Variants in RAPGEF5 observed in about 807,000 individuals in gnomAD.
The protein encoded by RAPGEF5 is Rap guanine nucleotide exchange factor 5, also known as M-Ras-regulated GEF.
In RAPGEF5, 65 loss-of-function variants were observed where a neutral mutation model predicts 125.2. The observed-to-expected ratio is 0.52, with a 90% confidence interval of 0.43 to 0.64. The LOEUF is 0.64. Ranked by LOEUF, RAPGEF5 falls within the 30% of genes least tolerant of loss-of-function variation. The pLI, the probability that RAPGEF5 is intolerant of heterozygous loss-of-function variation, is 0.00. For synonymous variants in RAPGEF5, 391 were observed against 385.9 expected (o/e 1.01, Z -0.16); for missense variants, 958 against 1,048.1 (o/e 0.91, Z 1.19).
At chr7:22,256,040 A>G (rs1426716109) in intron 7 of RAPGEF5, among the ~76,000 whole-genome samples, 3 of 152,080 alleles carry the variant, frequency 2.0e-5, no homozygotes, top group Non-Finnish European at 4.4e-5. Context: ...TGGGGTGATC[A>G]CATTACTCTT....
intron 7 of RAPGEF5, among the ~76,000 whole-genome samples, chr7:22,231,398 T>C (rs1008018871): frequency 6.6e-6 from 1 of 152,190 alleles, no homozygotes; most frequent in Non-Finnish European, 1.5e-5. Context: ...TGAATCCGTA[T>C]ATCCCTTCCC....
chr7:22,281,167 G>T (rs911843024), intron 6 of RAPGEF5, among the ~76,000 whole-genome samples: 1 of 152,124 alleles, frequency 6.6e-6, no homozygotes, highest in South Asian at 2.1e-4. Flanking sequence ...ATTGCCATGG[G>T]TCTTCCTATT....
intron 1 of RAPGEF5, among the ~76,000 whole-genome samples, chr7:22,327,883 C>G (rs1053857016): frequency 2.0e-5 from 3 of 152,150 alleles, no homozygotes; most frequent in Non-Finnish European, 4.4e-5. Context: ...CTCAGAGTCT[C>G]CAATTCTAAC....
chr7:22,273,961 T>C (rs1008149730), intron 6 of RAPGEF5, among the ~76,000 whole-genome samples: 1 of 152,164 alleles, frequency 6.6e-6, no homozygotes, highest in Admixed American at 6.5e-5. Context: ...TCCCTGTAGT[T>C]CAACTTGACG....
chr7:22,175,206 G>T (rs1263435535), intron 11 of RAPGEF5, among the ~76,000 whole-genome samples: 1 of 152,164 alleles, frequency 6.6e-6, no homozygotes, highest in African/African-American at 2.4e-5. Context: ...GCTGCTTGAA[G>T]AGGCTTTATC....
chr7:22,229,614 A>C (rs1786009078), intron 8 of RAPGEF5, among the ~76,000 whole-genome samples: 1 of 152,206 alleles, frequency 6.6e-6, no homozygotes, highest in Non-Finnish European at 1.5e-5. Context: ...TGATGGCAAA[A>C]TTCTAAGTTT....
At position 22,248,262 on chromosome 7, in the gene RAPGEF5, A is replaced by C. The variant is rs1006703423; in HGVS notation, c.797-17343T>G. Among the ~76,000 whole-genome samples, 9 of 152,204 alleles carry C rather than the reference A, an allele frequency of 5.9e-5. No homozygotes were observed. In the East Asian group the frequency reaches 9.6e-4, roughly 16 times the overall value. ...ATGTGATCTTTTGATGACACTGTCC[A>C]TTTGGTTACAAGGCTAACCACGAAA... is the stretch of plus-strand genomic sequence containing the variant. On this transcript the variant is annotated intron_variant, in intron 7 of 25. Coordinates refer to ENST00000665637, the MANE Select transcript of RAPGEF5 (RefSeq NM_012294.5).
At chr7:22,254,615 A>G (rs1211931429) in intron 7 of RAPGEF5, among the ~76,000 whole-genome samples, 1 of 151,592 alleles carries the variant, frequency 6.6e-6, no homozygotes, top group East Asian at 1.9e-4. Flanking sequence ...TCTCAAAAAA[A>G]AAAAAAAAAA....
At chr7:22,341,224 A>G (rs1171513655) in intron 1 of RAPGEF5, among the ~76,000 whole-genome samples, 3 of 152,220 alleles carry the variant, frequency 2.0e-5, no homozygotes, top group Non-Finnish European at 4.4e-5. Context: ...GACAAGAGAA[A>G]AGAGCTTGTG....
At chr7:22,209,049 T>A (rs1562762466) in intron 9 of RAPGEF5, among the ~76,000 whole-genome samples, 3 of 152,138 alleles carry the variant, frequency 2.0e-5, no homozygotes, top group Admixed American at 1.3e-4. Flanking sequence ...AGATTATGAG[T>A]AATACTAAAG....
chr7:22,129,800 A>G (rs778233723), intron 24 of RAPGEF5, among the ~76,000 whole-genome samples: 18 of 152,222 alleles, frequency 1.2e-4, no homozygotes, highest in Non-Finnish European at 2.5e-4. Flanking sequence ...ATGGAGATAA[A>G]GCAAGATATT....
intron 9 of RAPGEF5, among the ~76,000 whole-genome samples, chr7:22,198,237 G>T (rs145615986): frequency 6.6e-6 from 1 of 152,146 alleles, no homozygotes; most frequent in Non-Finnish European, 1.5e-5. Flanking sequence ...GCTGAGAGGC[G>T]CTCTTCCTAA....
rs866561435 is a variant in RAPGEF5 at position 22,149,224 on chromosome 7, A to G, written c.1884+1183T>C. On this transcript the variant is annotated intron_variant, in intron 18 of 25. Coordinates refer to ENST00000665637, the MANE Select transcript of RAPGEF5 (RefSeq NM_012294.5). ...CTGGTAATAAGTGATTAACATTATT[A>G]TGATAGCTTAATATCCTGCAGACAA... 6.6e-5 allele frequency among the ~76,000 whole-genome samples: 10 copies of G among 152,386 alleles called. No individual in the cohort carries two copies. The South Asian group carries it at 1.2e-3, about 19-fold the overall frequency.
chr7:22,155,569 T>C lies in RAPGEF5; in HGVS notation c.1637-965A>G, dbSNP rs565871337. 7.2e-4 allele frequency among the ~76,000 whole-genome samples: 109 copies of C among 152,324 alleles called. 1 individual carries two copies. The highest frequency in any genetic ancestry group is 2.4e-3 in the African/African-American group (100 of 41,582). ...AAAAATAAACCCAGGAATGTTTTCA[T>C]AGAAATACAAATGAAGCAAAAGTCT... is the stretch of plus-strand genomic sequence containing the variant. On this transcript the variant is annotated intron_variant, in intron 16 of 25. Transcript: ENST00000665637.
intron 6 of RAPGEF5, among the ~76,000 whole-genome samples, chr7:22,285,825 A>C (rs1257344926): frequency 6.6e-6 from 1 of 152,264 alleles, no homozygotes; most frequent in Admixed American, 6.5e-5. Flanking sequence ...TATGAAAAGG[A>C]ATTTAGAAAA....
At chr7:22,339,191 T>C (rs1784081201) in intron 1 of RAPGEF5, among the ~76,000 whole-genome samples, 1 of 152,194 alleles carries the variant, frequency 6.6e-6, no homozygotes, top group Non-Finnish European at 1.5e-5. Context: ...AGCAAGCAAC[T>C]GCAGACACTC....
At chr7:22,322,109 C>G (rs1050554846) in intron 1 of RAPGEF5, among the ~76,000 whole-genome samples, 1 of 151,864 alleles carries the variant, frequency 6.6e-6, no homozygotes, top group African/African-American at 2.4e-5. Context: ...GGAGACTACA[C>G]CAAGTTTTTG....
At chr7:22,154,636 G>A in intron 16 of RAPGEF5, 32 bp from the exon 17 acceptor site, 1 of 1,606,260 alleles carries the variant, frequency 6.2e-7, no homozygotes, top group Non-Finnish European at 8.5e-7. Flanking sequence ...TTTGGAAACA[G>A]AGAACAGTGG....
intron 1 of RAPGEF5, among the ~76,000 whole-genome samples, chr7:22,350,785 T>C (rs1469914606): frequency 6.6e-6 from 1 of 152,220 alleles, no homozygotes; most frequent in Admixed American, 6.5e-5. Context: ...TACAGTTTCT[T>C]TTCCTTCTTC....
Sources: gnomAD v4.1 joint callset for allele counts (sites outside exome capture counted in the v4.1 genomes callset) on GRCh38, gnomAD v4.1.1 for gene constraint, MANE v1.5 for transcripts, NCBI Gene and HGNC (gene_info 2026-07-23, HGNC 2026-07-21) for gene names.